DHRS7C: variants seen among roughly 807,000 people sequenced by gnomAD.
DHRS7C encodes dehydrogenase/reductase 7C, also known as dehydrogenase/reductase SDR family member 7C.
In DHRS7C, 28 loss-of-function variants were observed where a neutral mutation model predicts 29.6. That is an observed-to-expected ratio of 0.95 (90% confidence interval 0.70 to 1.30). The LOEUF (loss-of-function observed/expected upper bound fraction) is 1.30. DHRS7C is among the 50% of genes most tolerant of loss of function. The pLI is 0.00. For synonymous variants in DHRS7C, 158 were observed against 160.2 expected, an observed-to-expected ratio of 0.99 and a Z score of 0.10; for missense variants, 403 against 393.3, an observed-to-expected ratio of 1.02 and a Z score of -0.21.
chr17:9,789,746 C>T (rs567173160), intron 1 of DHRS7C, among the ~76,000 whole-genome samples: 20 of 152,270 alleles, frequency 1.3e-4, no homozygotes, highest in Admixed American at 1.3e-4. Context: ...GCAAATTTTT[C>T]GCAAAGCCTT....
At chr17:9,781,433 G>A (rs1031849640) in intron 2 of DHRS7C, 49 bp downstream of exon 2, 10 of 1,560,642 alleles carry the variant, frequency 6.4e-6, no homozygotes, top group Non-Finnish European at 8.8e-7. Context: ...AATCAATGGA[G>A]GCTGGGAGTT....
At chr17:9,772,588 G>C (rs2066336367) in intron 5 of DHRS7C, among the ~76,000 whole-genome samples, 179 bp downstream of exon 5, 1 of 152,186 alleles carries the variant, frequency 6.6e-6, no homozygotes, top group African/African-American at 2.4e-5. Context: ...TGTCTACCGG[G>C]TGCCTCAGGC....
At chr17:9,782,979 G>A (rs1019403735) in intron 1 of DHRS7C, 1 of 152,402 alleles carries the variant, frequency 6.6e-6, no homozygotes, top group Admixed American at 6.5e-5. Flanking sequence ...GTTGGCCAGG[G>A]TTTGGTAAGT....
At chr17:9,773,887 C>G (rs1394618757) in intron 4 of DHRS7C, among the ~76,000 whole-genome samples, 1 of 151,772 alleles carries the variant, frequency 6.6e-6, no homozygotes, top group Non-Finnish European at 1.5e-5. Context: ...CATGCCCAGC[C>G]AGTTTTTGTA....
chr17:9,782,341 C>CGG (rs2066397663), intron 1 of DHRS7C, among the ~76,000 whole-genome samples: 1 of 152,142 alleles, frequency 6.6e-6, no homozygotes, highest in African/African-American at 2.4e-5. Context: ...GACAAGGATT[C>CGG]GGGTGGCCAG....
At chr17:9,772,379 T>C (rs1014328340) in intron 5 of DHRS7C, among the ~76,000 whole-genome samples, 1 of 152,180 alleles carries the variant, frequency 6.6e-6, no homozygotes, top group Non-Finnish European at 1.5e-5. Flanking sequence ...CGGCTTCCAG[T>C]GCAGGTGGCC....
rs796514169 is a variant in DHRS7C, at chr17:9,776,942, C to T, written c.571+251G>A. ...AGGTTCACCTAGTGCATGTCCTGCC[C>T]CCATGGGAGACTGTGAGCTTCGCGG... On this transcript the variant is annotated intron_variant, in intron 4 of 5. Coordinates refer to ENST00000571134, the MANE Select transcript of DHRS7C (RefSeq NM_001105571.3). Among the ~76,000 whole-genome samples, 65 of 152,254 alleles carry T rather than the reference C, an allele frequency of 4.3e-4. 1 individual carries two copies. Among genetic ancestry groups the T allele is most frequent in the African/African-American group, 1.5e-3 (63 of 41,530 alleles).
chr17:9,788,218 AT>A (rs1433526918), intron 1 of DHRS7C, among the ~76,000 whole-genome samples: 1 of 151,566 alleles, frequency 6.6e-6, no homozygotes, highest in Non-Finnish European at 1.5e-5. Flanking sequence ...AAATAAATTA[AT>A]TTTTTGAGAT....
At chr17:9,787,224 G>A (rs60144892) in intron 1 of DHRS7C, among the ~76,000 whole-genome samples, 2,217 of 152,328 alleles carry the variant, frequency 0.015, 59 homozygotes, top group African/African-American at 0.049. Context: ...GGGATTACAG[G>A]CATGAGCCAC....
chr17:9,777,017 A>G (rs963926008), intron 4 of DHRS7C, among the ~76,000 whole-genome samples, 176 bp downstream of exon 4: 9 of 152,180 alleles, frequency 5.9e-5, no homozygotes, highest in African/African-American at 2.2e-4. Context: ...AGCCACTTGC[A>G]TGCTGTAGGT....
chr17:9,776,872 G>A (rs1280181495), intron 4 of DHRS7C, among the ~76,000 whole-genome samples: 1 of 152,164 alleles, frequency 6.6e-6, no homozygotes, highest in Admixed American at 6.5e-5. Flanking sequence ...TTGGAGCTAC[G>A]ACTGTGCATC....
intron 1 of DHRS7C, chr17:9,785,218 T>A (rs952660068): frequency 6.6e-6 from 1 of 152,268 alleles, no homozygotes; most frequent in African/African-American, 2.4e-5. Flanking sequence ...TAGCGGGGAC[T>A]TCGAAGGAGG....
At chr17:9,789,214 C>T (rs372680298) in intron 1 of DHRS7C, among the ~76,000 whole-genome samples, 7 of 152,276 alleles carry the variant, frequency 4.6e-5, no homozygotes, top group Middle Eastern at 3.4e-3. Flanking sequence ...AACGGCAGAA[C>T]GTACATTCTT....
chr17:9,773,046 A>G, intron 4 of DHRS7C, 124 bp from the exon 5 acceptor site: 1 of 1,185,628 alleles, frequency 8.4e-7, no homozygotes. Context: ...GAAGATCCTC[A>G]AGAATCTGCC....
chr17:9,774,422 T>C lies in DHRS7C; in HGVS notation c.572-1500A>G, dbSNP rs1232550465. Reference sequence around the variant, plus strand: ...GCCTTAGCCTCCCGAGTAACTGAGATTATGGGTACACACCATCATGCCTGG... The same window carrying C: ...GCCTTAGCCTCCCGAGTAACTGAGACTATGGGTACACACCATCATGCCTGG... On this transcript the variant is annotated intron_variant, in intron 4 of 5. Coordinates refer to ENST00000571134, the MANE Select transcript of DHRS7C (RefSeq NM_001105571.3). This position sits in a 1 kb window ranked among gnomAD's most constrained non-coding sequence, Gnocchi z 5.0. Among the ~76,000 whole-genome samples the C allele has an allele frequency of 2.0e-5, 3 of 152,118 alleles. No individual in the cohort carries two copies. The highest frequency in any genetic ancestry group is 4.8e-5 in the African/African-American group (2 of 41,416).
In DHRS7C at chr17:9,777,258, C is replaced by G; in HGVS notation, c.506G>C (p.Arg169Thr). 6.2e-7 allele frequency: 1 copy of G among 1,613,776 alleles called. No homozygotes were observed. The highest frequency in any genetic ancestry group is 8.5e-7 in the Non-Finnish European group (1 of 1,179,824). Residue 169 changes from arginine (R) to threonine (T), a missense_variant, in exon 4 of 6, where the codon AGA becomes ACA. Coordinates refer to ENST00000571134, the MANE Select transcript of DHRS7C (RefSeq NM_001105571.3). ...KALLPNMISR[R>T]TGQIVLVNNI... ...ATTCACTAACACGATTTGGCCTGTTCTCCGGGAGATCATGTTGGGAAGCAG... is the reference window on the plus strand; with the variant it reads ...ATTCACTAACACGATTTGGCCTGTTGTCCGGGAGATCATGTTGGGAAGCAG...
intron 1 of DHRS7C, among the ~76,000 whole-genome samples, chr17:9,789,235 C>T (rs2066441181): frequency 6.6e-6 from 1 of 152,120 alleles, no homozygotes; most frequent in South Asian, 2.1e-4. Context: ...GTCAAGCACT[C>T]GCAGAACCCA....
chr17:9,779,350 A>G (rs1036772945), intron 3 of DHRS7C, among the ~76,000 whole-genome samples: 2 of 152,216 alleles, frequency 1.3e-5, no homozygotes, highest in African/African-American at 4.8e-5. Flanking sequence ...GGTTGACAGA[A>G]TACTGGGTCT....
intron 2 of DHRS7C, among the ~76,000 whole-genome samples, chr17:9,780,286 G>A (rs1255886127): frequency 1.3e-5 from 2 of 152,170 alleles, no homozygotes; most frequent in Non-Finnish European, 2.9e-5. Flanking sequence ...TAAACTCTTG[G>A]CCAGGGTTCC....
Sources: allele counts gnomAD v4.1 joint callset (sites outside exome capture counted in the v4.1 genomes callset), GRCh38; gene constraint gnomAD v4.1.1; non-coding constraint Gnocchi (gnomAD v3.1); transcripts MANE v1.5; gene names NCBI Gene and HGNC (gene_info 2026-07-23, HGNC 2026-07-21).